Variants in CNTLN observed in about 807,000 individuals in gnomAD.
The protein encoded by CNTLN is centlein, centrosomal protein.
In CNTLN, 212 loss-of-function variants were observed where a neutral mutation model predicts 180.0. That is an observed-to-expected ratio of 1.18 (90% CI 1.05 to 1.32). CNTLN has a LOEUF of 1.32. Among genes scored for constraint, CNTLN ranks in the 40% most tolerant of loss-of-function variants. CNTLN has a pLI of 0.00. For synonymous variants in CNTLN, 722 were observed against 563.1 expected, an observed-to-expected ratio of 1.28 and a Z score of -3.99; for missense variants, 2,095 against 1,610.9, an observed-to-expected ratio of 1.30 and a Z score of -5.14.
chr9:17,421,343 A>AT (rs1318499690), intron 18 of CNTLN, among the ~76,000 whole-genome samples: 1 of 151,676 alleles, frequency 6.6e-6, no homozygotes, highest in African/African-American at 2.4e-5. Flanking sequence ...CTCTCTTTAT[A>AT]TTTTTTTGTC....
At chr9:17,473,717 C>T (rs917516094) in intron 23 of CNTLN, among the ~76,000 whole-genome samples, 1 of 152,124 alleles carries the variant, frequency 6.6e-6, no homozygotes, top group Non-Finnish European at 1.5e-5. Context: ...ATTCTCTACC[C>T]ACTTTCTTAT....
chr9:17,161,517 T>C (rs1819675673), intron 2 of CNTLN, among the ~76,000 whole-genome samples: 1 of 152,168 alleles, frequency 6.6e-6, no homozygotes. Flanking sequence ...ATAAATACAT[T>C]AGGAGCCATA....
intron 25 of CNTLN, among the ~76,000 whole-genome samples, chr9:17,498,573 T>A (rs1833578914): frequency 6.6e-6 from 1 of 152,204 alleles, no homozygotes; most frequent in African/African-American, 2.4e-5. Flanking sequence ...CTTTGTCAGA[T>A]ATCCCCGTTA....
At position 17,259,697 on chromosome 9, in the gene CNTLN, G is replaced by C. The variant is rs575257249; in HGVS notation, c.850-14036G>C. ...AGAGACTCAGCTTCTTCCTGGTTTA[G>C]TCTTGGGAGAGTGTATGTGTCGAGG... On this transcript the variant is annotated intron_variant, in intron 5 of 25. Coordinates refer to ENST00000380647, the MANE Select transcript of CNTLN (RefSeq NM_017738.4). 1.9e-4 allele frequency among the ~76,000 whole-genome samples: 29 copies of C among 150,956 alleles called. 2 individuals are homozygous for C. The highest frequency in any genetic ancestry group is 6.9e-4 in the African/African-American group (28 of 40,398).
chr9:17,293,232 G>C (rs544128250), intron 6 of CNTLN, among the ~76,000 whole-genome samples: 39 of 152,320 alleles, frequency 2.6e-4, no homozygotes, highest in East Asian at 1.5e-3. Flanking sequence ...CCCCTGTTGG[G>C]GTCTCACCCA....
intron 6 of CNTLN, among the ~76,000 whole-genome samples, chr9:17,280,887 G>T (rs1270478797): frequency 6.6e-6 from 1 of 152,300 alleles, no homozygotes; most frequent in Admixed American, 6.5e-5. Context: ...CATTTGAACT[G>T]TATATATCTG....
intron 7 of CNTLN, among the ~76,000 whole-genome samples, chr9:17,302,687 T>C (rs1233155263): frequency 7.2e-5 from 11 of 152,202 alleles, no homozygotes; most frequent in African/African-American, 2.4e-4. Context: ...AAATCATAAT[T>C]GTATTTTAAA....
the CNTLN span, among the ~76,000 whole-genome samples, chr9:17,514,720 G>C: frequency 1.3e-5 from 2 of 152,172 alleles, no homozygotes; most frequent in African/African-American, 2.4e-5. Flanking sequence ...CTGACTGTCA[G>C]CCAAGCCATA....
intron 12 of CNTLN, among the ~76,000 whole-genome samples, chr9:17,363,536 A>G (rs1356419559): frequency 6.7e-6 from 1 of 148,920 alleles, no homozygotes; most frequent in Non-Finnish European, 1.5e-5. Context: ...TCTAATTTTT[A>G]TTTTTTATAT....
chr9:17,354,759 G>C (rs1343472735), intron 12 of CNTLN, among the ~76,000 whole-genome samples: 1 of 152,112 alleles, frequency 6.6e-6, no homozygotes, highest in Admixed American at 6.5e-5. Context: ...GGCTGCCCGA[G>C]CCAGCGTTGG....
intron 5 of CNTLN, among the ~76,000 whole-genome samples, chr9:17,254,274 A>G (rs544457267): frequency 2.0e-5 from 3 of 151,662 alleles, no homozygotes; most frequent in South Asian, 2.1e-4. Context: ...AAAGTTTTCA[A>G]TTTTGAGGTA....
intron 6 of CNTLN, among the ~76,000 whole-genome samples, chr9:17,281,941 G>C (rs969589006): frequency 6.6e-6 from 1 of 150,594 alleles, no homozygotes; most frequent in Admixed American, 6.6e-5. Flanking sequence ...CCACAGCCTC[G>C]CCAGAATCTG....
chr9:17,521,272 A>AGAG, the CNTLN span, among the ~76,000 whole-genome samples: 1 of 148,820 alleles, frequency 6.7e-6, no homozygotes, highest in East Asian at 2.0e-4. Flanking sequence ...AAAAAGAGAG[A>AGAG]GAGAGAGAGA....
intron 25 of CNTLN, among the ~76,000 whole-genome samples, chr9:17,491,427 T>C (rs1833156397): frequency 6.6e-6 from 1 of 152,118 alleles, no homozygotes; most frequent in Admixed American, 6.6e-5. Context: ...GGTGGGTAGA[T>C]ACATTAAAAT....
intron 5 of CNTLN, among the ~76,000 whole-genome samples, chr9:17,252,906 A>G (rs1440281331): frequency 6.6e-6 from 1 of 151,688 alleles, no homozygotes; most frequent in Non-Finnish European, 1.5e-5. Context: ...CATGTATTAC[A>G]ATTAAGCCTT....
At chr9:17,264,418 C>T (rs1587398579) in intron 5 of CNTLN, among the ~76,000 whole-genome samples, 1 of 150,352 alleles carries the variant, frequency 6.7e-6, no homozygotes, top group East Asian at 2.0e-4. Context: ...TGTTTTGGTA[C>T]CAGTACCATG....
At chr9:17,339,170 C>G (rs1378992659) in intron 10 of CNTLN, among the ~76,000 whole-genome samples, 1 of 152,128 alleles carries the variant, frequency 6.6e-6, no homozygotes, top group African/African-American at 2.4e-5. Flanking sequence ...TCAAATACTT[C>G]TTAATAACTA....
At chr9:17,519,141 T>C in the CNTLN span, among the ~76,000 whole-genome samples, 3 of 146,590 alleles carry the variant, frequency 2.0e-5, no homozygotes, top group East Asian at 5.8e-4. Flanking sequence ...TTTCCCAGAC[T>C]GGTCTCAAAC....
chr9:17,252,293 T>C (rs1337738801), intron 5 of CNTLN, among the ~76,000 whole-genome samples: 1 of 151,900 alleles, frequency 6.6e-6, no homozygotes, highest in Non-Finnish European at 1.5e-5. Flanking sequence ...TAGGTCTGTT[T>C]GTTTTTTTGA....
Sources: allele counts gnomAD v4.1 joint callset (sites outside exome capture counted in the v4.1 genomes callset), GRCh38; gene constraint gnomAD v4.1.1; transcripts MANE v1.5; gene names NCBI Gene and HGNC (gene_info 2026-07-23, HGNC 2026-07-21).